GALNT13: variants seen among roughly 807,000 people sequenced by gnomAD.
GALNT13 encodes polypeptide N-acetylgalactosaminyltransferase 13, also known as UDP-GalNAc:polypeptide N-acetylgalactosaminyltransferase 13.
GALNT13 carries 28 observed loss-of-function variants against 64.2 expected under a neutral mutation model. The ratio of observed to expected loss-of-function variants is 0.44; its 90% CI spans 0.32 to 0.60. The LOEUF is 0.60. Among genes scored for constraint, GALNT13 ranks in the 20% least tolerant of loss-of-function variants. GALNT13 has a pLI of 0.05. For missense variants in GALNT13, 577 were observed against 669.8 expected (o/e 0.86, Z 1.53); for synonymous variants, 214 against 224.6 (o/e 0.95, Z 0.42).
At chr2:153,614,897 C>T in the GALNT13 span, among the ~76,000 whole-genome samples, 4 of 152,198 alleles carry the variant, frequency 2.6e-5, no homozygotes, top group East Asian at 7.7e-4. Context: ...CAATTACACT[C>T]TTTATTTTAA....
In GALNT13 at chr2:153,996,492, CTATT is replaced by C. The variant is rs1055338314; in HGVS notation, c.142+51854_142+51857del. Reference sequence around the variant, plus strand: ...TTGCATGTCTTCTTTTGATAAATGTCTATTCATGCCCTTTGCCCATTTTTGGATG... The same window carrying C: ...TTGCATGTCTTCTTTTGATAAATGTCCATGCCCTTTGCCCATTTTTGGATG... On this transcript the variant is annotated intron_variant, in intron 3 of 12. Coordinates refer to ENST00000392825, the MANE Select transcript of GALNT13 (RefSeq NM_052917.4). Among the ~76,000 whole-genome samples, 7 of 152,162 alleles carry C rather than the reference CTATT, an allele frequency of 4.6e-5. No homozygotes were observed. The South Asian group carries it at 1.0e-3, about 23-fold the overall frequency.
the GALNT13 span, among the ~76,000 whole-genome samples, chr2:153,444,013 T>TA: frequency 6.6e-6 from 1 of 152,220 alleles, no homozygotes; most frequent in Admixed American, 6.5e-5. Context: ...CCTATAATTC[T>TA]ATAATTTATC....
intron 9 of GALNT13, among the ~76,000 whole-genome samples, chr2:154,313,980 C>T (rs1314796468): frequency 6.6e-6 from 1 of 152,034 alleles, no homozygotes; most frequent in Non-Finnish European, 1.5e-5. Flanking sequence ...CCTAAACCTG[C>T]TGAATTAGTC....
chr2:154,134,800 T>A (rs988475372), intron 3 of GALNT13, among the ~76,000 whole-genome samples: 2 of 152,196 alleles, frequency 1.3e-5, no homozygotes, highest in African/African-American at 4.8e-5. Flanking sequence ...GAGACCCGCC[T>A]GGCCAACATG....
At chr2:153,746,577 ATGAAT>A in the GALNT13 span, among the ~76,000 whole-genome samples, 1,182 of 152,282 alleles carry the variant, frequency 7.8e-3, 14 homozygotes, top group African/African-American at 0.027. Context: ...CAGCACTATT[ATGAAT>A]AGTGCTGCTA....
At chr2:154,011,534 T>G (rs1204879947) in intron 3 of GALNT13, among the ~76,000 whole-genome samples, 1 of 152,172 alleles carries the variant, frequency 6.6e-6, no homozygotes, top group Non-Finnish European at 1.5e-5. Context: ...ATGAGAAGAA[T>G]GTATATTCTG....
chr2:154,007,188 T>C (rs1226654650), intron 3 of GALNT13, among the ~76,000 whole-genome samples: 1 of 152,354 alleles, frequency 6.6e-6, no homozygotes, highest in Middle Eastern at 3.4e-3. Flanking sequence ...GGCGAGGCAC[T>C]GTGAGTGGCC....
the GALNT13 span, among the ~76,000 whole-genome samples, chr2:153,281,576 G>T: frequency 6.6e-6 from 1 of 152,104 alleles, no homozygotes; most frequent in Non-Finnish European, 1.5e-5. Context: ...TTCTTGTAAG[G>T]CTGGTCTGCT....
chr2:153,503,087 C>T, the GALNT13 span, among the ~76,000 whole-genome samples: 1 of 152,052 alleles, frequency 6.6e-6, no homozygotes, highest in Non-Finnish European at 1.5e-5. Flanking sequence ...GTTTAATTAA[C>T]TCTCATCTAT....
the GALNT13 span, among the ~76,000 whole-genome samples, chr2:153,640,895 A>G: frequency 2.0e-5 from 3 of 152,144 alleles, no homozygotes; most frequent in Admixed American, 2.0e-4. Context: ...ATTCTGGGAA[A>G]TTGTAAGGTA....
At chr2:153,810,835 T>C in the GALNT13 span, among the ~76,000 whole-genome samples, 5 of 152,188 alleles carry the variant, frequency 3.3e-5, no homozygotes, top group Non-Finnish European at 5.9e-5. Context: ...GGACACCTAT[T>C]TGTCAAATTT....
chr2:153,953,264 G>A (rs960143839), intron 3 of GALNT13, among the ~76,000 whole-genome samples: 5 of 151,902 alleles, frequency 3.3e-5, no homozygotes, highest in African/African-American at 1.2e-4. Context: ...TTGAAAAAAG[G>A]GAAATAGCAA....
At chr2:154,366,959 G>A (rs1012227825) in intron 9 of GALNT13, among the ~76,000 whole-genome samples, 1 of 152,092 alleles carries the variant, frequency 6.6e-6, no homozygotes, top group African/African-American at 2.4e-5. Context: ...GATATGTAAA[G>A]GAAGAAATAC....
chr2:153,167,254 T>C, the GALNT13 span, among the ~76,000 whole-genome samples: 1 of 152,208 alleles, frequency 6.6e-6, no homozygotes, highest in Non-Finnish European at 1.5e-5. Context: ...AGAAGGGTCA[T>C]ACATTTTTGC....
chr2:154,288,833 G>A (rs1057144841), intron 8 of GALNT13, among the ~76,000 whole-genome samples: 6 of 152,192 alleles, frequency 3.9e-5, no homozygotes, highest in African/African-American at 1.2e-4. Flanking sequence ...AGGCTGGCAC[G>A]GAGTGCCTTT....
the GALNT13 span, among the ~76,000 whole-genome samples, chr2:153,387,100 G>A: frequency 3.9e-5 from 6 of 151,960 alleles, no homozygotes; most frequent in African/African-American, 9.7e-5. Flanking sequence ...TTCTAGAAGC[G>A]AAAAAGTAAA....
At chr2:153,853,772 A>G in the GALNT13 span, among the ~76,000 whole-genome samples, 1 of 150,464 alleles carries the variant, frequency 6.6e-6, no homozygotes, top group East Asian at 1.9e-4. Flanking sequence ...ATATAAATAT[A>G]ATATACACTG....
chr2:153,243,572 G>A, the GALNT13 span, among the ~76,000 whole-genome samples: 26 of 143,920 alleles, frequency 1.8e-4, no homozygotes, highest in African/African-American at 4.7e-4. Flanking sequence ...AACATACAAC[G>A]TGTGTAAAGG....
chr2:153,143,812 C>T, the GALNT13 span, among the ~76,000 whole-genome samples: 1 of 152,012 alleles, frequency 6.6e-6, no homozygotes, highest in Non-Finnish European at 1.5e-5. Context: ...ACAACTCTTG[C>T]AAAGTTTGCT....
Sources: gnomAD v4.1 joint callset for allele counts (sites outside exome capture counted in the v4.1 genomes callset) on GRCh38, gnomAD v4.1.1 for gene constraint, MANE v1.5 for transcripts, NCBI Gene and HGNC (gene_info 2026-07-23, HGNC 2026-07-21) for gene names.